BMPER: variants seen among roughly 807,000 people sequenced by gnomAD.
BMPER encodes BMP binding endothelial regulator.
Under a neutral mutation model 87.3 loss-of-function variants are expected in BMPER, and 45 were observed. The observed-to-expected ratio is 0.52, with a 90% CI of 0.41 to 0.66. The LOEUF (loss-of-function observed/expected upper bound fraction) is 0.66. Ranked by LOEUF, BMPER falls within the 30% of genes least tolerant of loss-of-function variation. The pLI is 0.00. For missense variants in BMPER, 784 were observed against 867.5 expected, an observed-to-expected ratio of 0.90 and a Z score of 1.21; for synonymous variants, 326 against 316.2, an observed-to-expected ratio of 1.03 and a Z score of -0.33.
intron 6 of BMPER, among the ~76,000 whole-genome samples, chr7:34,037,841 A>C (rs146006760): frequency 6.6e-6 from 1 of 152,344 alleles, no homozygotes; most frequent in African/African-American, 2.4e-5. Flanking sequence ...GGGTGCAGGA[A>C]GAAGAAAAAA....
intron 6 of BMPER, among the ~76,000 whole-genome samples, chr7:33,989,822 C>G (rs1019896137): frequency 5.9e-5 from 9 of 152,162 alleles, no homozygotes; most frequent in African/African-American, 2.2e-4. Flanking sequence ...CCAGTTTCAG[C>G]TTTCTACATG....
intron 2 of BMPER, among the ~76,000 whole-genome samples, chr7:33,907,830 C>T (rs1233296152): frequency 6.6e-6 from 1 of 152,116 alleles, no homozygotes; most frequent in African/African-American, 2.4e-5. Context: ...TGCTGTGTGG[C>T]GCTGGAGAAG....
intron 13 of BMPER, among the ~76,000 whole-genome samples, chr7:34,123,777 T>C (rs1283798752): frequency 6.6e-6 from 1 of 152,228 alleles, no homozygotes; most frequent in Non-Finnish European, 1.5e-5. Flanking sequence ...AATAGGGCTG[T>C]TCTTTAATTT....
At chr7:33,905,520 C>G (rs1251480974), upstream of BMPER, 29 of 1,553,400 alleles carry the variant, frequency 1.9e-5, no homozygotes, top group Non-Finnish European at 2.5e-5. Flanking sequence ...TCCCGACACG[C>G]CGGCTGAGAG....
chr7:33,911,926 C>T (rs568688157), intron 2 of BMPER, among the ~76,000 whole-genome samples: 4 of 152,192 alleles, frequency 2.6e-5, no homozygotes, highest in African/African-American at 7.2e-5. Flanking sequence ...GGACGACGGA[C>T]GAGACATAGG....
intron 8 of BMPER, 43 bp from the exon 9 acceptor site, chr7:34,055,120 G>A (rs373768314): frequency 4.3e-6 from 7 of 1,613,760 alleles, no homozygotes; most frequent in Non-Finnish European, 5.9e-6. Flanking sequence ...TTTGGTAGAG[G>A]CGAAAATCAT....
intron 6 of BMPER, among the ~76,000 whole-genome samples, chr7:33,997,684 C>T (rs573705582): frequency 1.3e-5 from 2 of 152,236 alleles, no homozygotes; most frequent in East Asian, 1.9e-4. Flanking sequence ...CCCTTGTATA[C>T]TTTTTCCAGA....
chr7:33,991,226 G>A (rs1221069944), intron 6 of BMPER, among the ~76,000 whole-genome samples: 1 of 150,748 alleles, frequency 6.6e-6, no homozygotes, highest in East Asian at 1.9e-4. Flanking sequence ...GTAGAATTCG[G>A]CTGTGAATCC....
intron 6 of BMPER, among the ~76,000 whole-genome samples, chr7:34,036,502 C>T (rs1388889912): frequency 6.6e-6 from 1 of 152,134 alleles, no homozygotes; most frequent in Admixed American, 6.5e-5. Flanking sequence ...GCCTCTCCTC[C>T]AGTTTCAGCT....
intron 13 of BMPER, 86 bp downstream of exon 13, chr7:34,086,178 T>C (rs1789204666): frequency 7.5e-6 from 11 of 1,471,170 alleles, no homozygotes; most frequent in Admixed American, 1.8e-5. Context: ...AATCTCTTGT[T>C]GTGCAGGACA....
intron 4 of BMPER, among the ~76,000 whole-genome samples, chr7:33,968,724 T>C (rs1459049856): frequency 6.6e-6 from 1 of 152,262 alleles, no homozygotes; most frequent in Admixed American, 6.5e-5. Context: ...GGAAGTCTAA[T>C]GATCTGGCCT....
chr7:34,034,662 A>G (rs1054421720), intron 6 of BMPER, among the ~76,000 whole-genome samples: 2 of 152,214 alleles, frequency 1.3e-5, no homozygotes, highest in Admixed American at 6.5e-5. Context: ...CTAAATCAGT[A>G]GGGCCTATAC....
intron 13 of BMPER, among the ~76,000 whole-genome samples, chr7:34,092,173 T>G (rs1224048843): frequency 6.6e-6 from 1 of 152,198 alleles, no homozygotes; most frequent in Non-Finnish European, 1.5e-5. Flanking sequence ...TGTAATAAAC[T>G]GGTCAGAGTG....
chr7:34,122,105 T>TGTGGG (rs1258384015), intron 13 of BMPER, among the ~76,000 whole-genome samples: 3 of 121,012 alleles, frequency 2.5e-5, no homozygotes, highest in Non-Finnish European at 5.0e-5. Context: ...CTTGGGCAAT[T>TGTGGG]GTGGGGTGGG....
rs1400576354 is a variant in BMPER at position 33,906,868 on chromosome 7, A to G, written c.184A>G (p.Ile62Val). 6 of 1,613,844 alleles carry G rather than the reference A, an allele frequency of 3.7e-6. No individual in the cohort carries two copies. Among genetic ancestry groups the G allele is most frequent in the Non-Finnish European group, 5.1e-6 (6 of 1,179,900 alleles). ...AGGTGAAGTCCTCCAGATTCCATTT[A>G]TCACAGACAACCCTTGCATAATGTG... ...NEGEVLQIPF[I>V]TDNPCIMCVC... is the part of the protein sequence containing the mutation. The change falls in exon 2 of 15, where the codon ATC (isoleucine) becomes GTC (valine). Residue 62 changes from isoleucine to valine, a missense_variant. Transcript: ENST00000649409.
At chr7:34,145,347 T>C (rs967202557) in intron 14 of BMPER, among the ~76,000 whole-genome samples, 1 of 152,180 alleles carries the variant, frequency 6.6e-6, no homozygotes, top group Non-Finnish European at 1.5e-5. Context: ...CGCCCCCACC[T>C]CTGCAAACCC....
intron 4 of BMPER, among the ~76,000 whole-genome samples, chr7:33,968,195 G>T (rs528677682): frequency 2.0e-5 from 3 of 152,320 alleles, no homozygotes; most frequent in South Asian, 2.1e-4. Flanking sequence ...CCAAGAGGAA[G>T]TTTGCCTTTC....
intron 13 of BMPER, among the ~76,000 whole-genome samples, chr7:34,100,284 G>A (rs567916332): frequency 5.3e-5 from 8 of 152,318 alleles, no homozygotes; most frequent in African/African-American, 1.7e-4. Flanking sequence ...TGTGTAAGAA[G>A]ATCTTATACA....
At chr7:34,091,818 G>A (rs73316423) in intron 13 of BMPER, among the ~76,000 whole-genome samples, 2 of 152,168 alleles carry the variant, frequency 1.3e-5, no homozygotes, top group Non-Finnish European at 2.9e-5. Flanking sequence ...TGAAGACACA[G>A]CTCCAGTTTC....
Sources: gnomAD v4.1 joint callset for allele counts (sites outside exome capture counted in the v4.1 genomes callset) on GRCh38, gnomAD v4.1.1 for gene constraint, MANE v1.5 for transcripts, NCBI Gene and HGNC (gene_info 2026-07-23, HGNC 2026-07-21) for gene names.